SLC2A8: variants seen among roughly 807,000 people sequenced by gnomAD.
SLC2A8 encodes the protein solute carrier family 2, facilitated glucose transporter member 8.
Under a neutral mutation model 49.2 loss-of-function variants are expected in SLC2A8, and 53 were observed. The observed-to-expected ratio is 1.08, with a 90% CI of 0.86 to 1.35. The LOEUF is 1.35. Ranked by LOEUF, SLC2A8 falls within the 40% of genes most tolerant of loss-of-function variation. The pLI, the probability that SLC2A8 is intolerant of heterozygous loss-of-function variation, is 0.00. For synonymous variants in SLC2A8, 299 were observed against 297.0 expected (o/e 1.01, Z -0.07); for missense variants, 688 against 671.7 (o/e 1.02, Z -0.27).
Position 127,397,915 on chromosome 9 carries a change from C to T in SLC2A8, c.230C>T (p.Thr77Ile), listed in dbSNP as rs758033856. 15 of 1,527,454 alleles carry T rather than the reference C, an allele frequency of 9.8e-6. No homozygotes were observed. The highest frequency in any genetic ancestry group is 2.0e-5 in the Admixed American group (1 of 50,544). The allele number at this position is 1,527,454 out of a possible 1,614,324, so 94.6% of individuals were successfully genotyped here. ...AAASWFGAVV[T>I]LGAAAGGVLG... ...GCCGCCCGCCTCCAGGCTGTCGTGA[C>T]CCTGGGTGCCGCGGCGGGGGGAGTG... is the stretch of plus-strand genomic sequence containing the variant. Residue 77 changes from threonine to isoleucine, a missense_variant, in exon 3 of 10, where the codon ACC becomes ATC. Coordinates refer to ENST00000373371, the MANE Select transcript of SLC2A8 (RefSeq NM_014580.5).
At chr9:127,400,248 C>A (rs1833231056) in intron 4 of SLC2A8, among the ~76,000 whole-genome samples, 1 of 149,630 alleles carries the variant, frequency 6.7e-6, no homozygotes, top group Admixed American at 6.7e-5. Flanking sequence ...ACCTCTGCCT[C>A]CTGGGTTCAA....
chr9:127,406,386 AG>A (rs1833493834), intron 9 of SLC2A8, among the ~76,000 whole-genome samples: 1 of 152,108 alleles, frequency 6.6e-6, no homozygotes, highest in South Asian at 2.1e-4. Flanking sequence ...GAGCACATCG[AG>A]GGGGCCAGGC....
intron 1 of SLC2A8, 28 bp from the exon 2 acceptor site, chr9:127,397,348 C>T: frequency 2.8e-6 from 4 of 1,408,118 alleles, no homozygotes; most frequent in Non-Finnish European, 2.7e-6. Flanking sequence ...CGCGTCCGCT[C>T]CGCTCACCCT....
intron 5 of SLC2A8, chr9:127,403,439 C>T (rs914349622): frequency 1.7e-6 from 1 of 592,832 alleles, no homozygotes; most frequent in Non-Finnish European, 3.0e-6. Flanking sequence ...GTGGCTCCCC[C>T]CCACCTATCA....
Position 127,397,454 on chromosome 9 carries a change from C to T in SLC2A8, c.135C>T (p.Gly45=). The stretch of plus-strand genomic sequence containing the variant: ...CACTCAGCTTCGGCTTCGCGCTCGG[C>T]TACAGCTCCCCGGCCATCCCTAGCC... The part of the protein sequence containing the change: ...LGPLSFGFAL[G]YSSPAIPSLQ... The change falls in exon 2 of 10, where the codon GGC becomes GGT. Residue 45 remains glycine (G), a synonymous_variant. Coordinates refer to ENST00000373371, the MANE Select transcript of SLC2A8 (RefSeq NM_014580.5). 3 of 1,487,870 alleles carry T rather than the reference C, an allele frequency of 2.0e-6. No individual in the cohort carries two copies. Among genetic ancestry groups the T allele is most frequent in the Non-Finnish European group, 2.7e-6 (3 of 1,127,342 alleles). The allele number at this position is 1,487,870 out of a possible 1,614,324, so 92.2% of individuals were successfully genotyped here. A position where few individuals can be genotyped will look rare whatever the true frequency, so the allele number is the denominator to read the frequency against.
chr9:127,401,292 AG>A lies in SLC2A8; in HGVS notation c.527-1264del, dbSNP rs1225772128. Among the ~76,000 whole-genome samples, 5 of 152,352 alleles carry A rather than the reference AG, an allele frequency of 3.3e-5. No individual in the cohort carries two copies. The East Asian group carries it at 9.6e-4, about 29-fold the overall frequency. On this transcript the variant is annotated intron_variant, in intron 4 of 9. Transcript: ENST00000373371. ...AATTGACACATGAAAAGTGCCTAAC[AG>A]TGGGTTCCAAATGAGAATTGTCAAG...
At chr9:127,403,888 A>G (rs1833389987) in intron 6 of SLC2A8, 71 bp from the exon 7 acceptor site, 1 of 1,599,262 alleles carries the variant, frequency 6.3e-7, no homozygotes, top group Admixed American at 1.7e-5. Flanking sequence ...GCCATCCAGC[A>G]CAGGCCTGGA....
In SLC2A8 at chr9:127,404,818, G is replaced by C; in HGVS notation, c.977G>C (p.Gly326Ala). 6.2e-7 allele frequency: 1 copy of C among 1,607,978 alleles called. No homozygotes were observed. The highest frequency in any genetic ancestry group is 8.5e-7 in the Non-Finnish European group (1 of 1,176,160). The change falls in exon 8 of 10, where the codon GGT (glycine) becomes GCT (alanine). Residue 326 changes from glycine (G) to alanine (A), a missense_variant and splice_region_variant. Transcript: ENST00000373371. ...CCCACTGCCGCCCTCCCGCCTGCAG[G>C]TGTGGTCATGGTGTTCAGCACGAGT... ...AGRRLLLVLS[G>A]VVMVFSTSAF...
chr9:127,399,275 G>A lies in SLC2A8; in HGVS notation c.427-632G>A, dbSNP rs193262778. The stretch of plus-strand genomic sequence containing the variant: ...TTCGCCTGTCCAGACCTACTGCATC[G>A]GAATCTATGATTTATCCAGGGTGTC... On this transcript the variant is annotated intron_variant, in intron 3 of 9. Coordinates refer to ENST00000373371, the MANE Select transcript of SLC2A8 (RefSeq NM_014580.5). This position sits in a 1 kb window ranked among gnomAD's most constrained non-coding sequence, Gnocchi z 4.2. Among the ~76,000 whole-genome samples the A allele has an allele frequency of 4.5e-4, 68 of 152,284 alleles. No individual in the cohort carries two copies. Among genetic ancestry groups the A allele is most frequent in the Non-Finnish European group, 8.2e-4 (56 of 68,004 alleles).
chr9:127,407,176 T>C lies in SLC2A8; in HGVS notation c.1361T>C (p.Phe454Ser). ...ASAFCIFSVL[F>S]TLFCVPETKG... Reference sequence around the variant, plus strand: ...GCTTTCTGCATCTTCAGTGTCCTTTTCACTTTGTTCTGTGTCCCTGAAACT... The same window carrying C: ...GCTTTCTGCATCTTCAGTGTCCTTTCCACTTTGTTCTGTGTCCCTGAAACT... The change falls in exon 10 of 10, where the codon TTC becomes TCC. Residue 454 changes from phenylalanine (F) to serine (S), a missense_variant. Phe to Ser is a radical substitution (Grantham distance 155). Transcript: ENST00000373371. 1 of 1,613,678 alleles carries C rather than the reference T, an allele frequency of 6.2e-7. No homozygotes were observed.
In SLC2A8 at chr9:127,397,770, C is replaced by T. The variant is rs1217084176; in HGVS notation, c.220-135C>T. The T allele has an allele frequency of 9.0e-6, 10 of 1,114,112 alleles. No homozygotes were observed. In the African/African-American group the frequency reaches 1.5e-4, roughly 17 times the overall value. The allele number at this position is 1,114,112 out of a possible 1,614,324, so 69.0% of individuals were successfully genotyped here. A position where few individuals can be genotyped will look rare whatever the true frequency, so the allele number is the denominator to read the frequency against. Reference sequence around the variant, plus strand: ...TCCCCTCGGGACGAGCACCGGGCCCCTCAGCCCCCTACCCCTCCCCTCGGG... The same window carrying T: ...TCCCCTCGGGACGAGCACCGGGCCCTTCAGCCCCCTACCCCTCCCCTCGGG... On this transcript the variant is annotated intron_variant, in intron 2 of 9. Transcript: ENST00000373371.
rs1429021542 is a variant in SLC2A8 at position 127,400,001 on chromosome 9, T to G, written c.521T>G (p.Leu174Arg). The G allele has an allele frequency of 6.2e-7, 1 of 1,613,236 alleles. No individual in the cohort carries two copies. Among genetic ancestry groups the G allele is most frequent in the East Asian group, 2.2e-5 (1 of 44,844 alleles). The change falls in exon 4 of 10, where the codon CTG (leucine) becomes CGG (arginine). Residue 174 changes from leucine (L) to arginine (R), a missense_variant. Transcript: ENST00000373371. ...GTCGTCGGCATCCTCCTGGCCTACC[T>G]GGCAGGTATAGTTGTCATTATCTCT... ...MVVVGILLAY[L>R]AGWVLEWRWL...
intron 7 of SLC2A8, 39 bp from the exon 8 acceptor site, chr9:127,404,779 C>T: frequency 1.3e-6 from 2 of 1,591,440 alleles, no homozygotes; most frequent in Non-Finnish European, 1.7e-6. Flanking sequence ...CTGGGCCGTT[C>T]CCCGGGTGCC....
intron 4 of SLC2A8, among the ~76,000 whole-genome samples, chr9:127,400,527 C>T (rs2131886290): frequency 6.6e-6 from 1 of 152,204 alleles, no homozygotes; most frequent in South Asian, 2.1e-4. Context: ...TTCCTGAAGC[C>T]CCCTCTAGGG....
Position 127,404,077 on chromosome 9 carries a change from C to G in SLC2A8, c.976+10C>G. On this transcript the variant is annotated intron_variant, in intron 7 of 9. Transcript: ENST00000373371. The stretch of plus-strand genomic sequence containing the variant: ...CTCCTGGTCTTGTCAGGTGAGGGTT[C>G]ACCCCTGTGCAGCCTCCCCGCCATG... 1.3e-6 allele frequency: 2 copies of G among 1,561,006 alleles called. No homozygotes were observed. Among genetic ancestry groups the G allele is most frequent in the Non-Finnish European group, 1.7e-6 (2 of 1,146,678 alleles).
chr9:127,403,745 C>T lies in SLC2A8; in HGVS notation c.809C>T (p.Ser270Leu), dbSNP rs138481743. The T allele has an allele frequency of 8.6e-5, 138 of 1,613,218 alleles. No individual in the cohort carries two copies. The African/African-American group carries it at 8.9e-4, about 10-fold the overall frequency. Residue 270 changes from serine (S) to leucine (L), a missense_variant, in exon 6 of 10, where the codon TCG becomes TTG. Transcript: ENST00000373371. ...GVSLMAFQQLSGVNAVMFYAE... is the reference protein window; with the variant it reads ...GVSLMAFQQLLGVNAVMFYAE... ...TCCCTGATGGCCTTCCAGCAGCTGT[C>T]GGGGGTCAACGCCGTCATGTTCTAT...
At chr9:127,402,864 A>ATCCACCC (rs1833346386) in intron 5 of SLC2A8, 111 bp downstream of exon 5, 1 of 1,284,256 alleles carries the variant, frequency 7.8e-7, no homozygotes, top group South Asian at 1.6e-5. Context: ...GGAGGTGCCT[A>ATCCACCC]TCCACCCTCC....
At chr9:127,403,548 G>A in intron 5 of SLC2A8, 112 bp from the exon 6 acceptor site, 2 of 1,293,590 alleles carry the variant, frequency 1.5e-6, no homozygotes, top group South Asian at 2.5e-5. Context: ...GGGATGAGGA[G>A]CCAAGACGTG....
intron 5 of SLC2A8, 77 bp from the exon 6 acceptor site, chr9:127,403,583 G>C (rs1833373886): frequency 3.4e-5 from 54 of 1,580,088 alleles, no homozygotes; most frequent in Non-Finnish European, 4.7e-5. Flanking sequence ...CCAAGCCTTA[G>C]GACAGTAGAC....
Sources: gnomAD v4.1 joint callset for allele counts (sites outside exome capture counted in the v4.1 genomes callset) on GRCh38, gnomAD v4.1.1 for gene constraint, Gnocchi (gnomAD v3.1) non-coding constraint, MANE v1.5 for transcripts, NCBI Gene and HGNC (gene_info 2026-07-23, HGNC 2026-07-21) for gene names.